The following NFKBIZ variants were observed in gnomAD, a reference collection of about 807,000 sequenced individuals.
NFKBIZ encodes the protein NF-kappa-B inhibitor zeta.
In NFKBIZ, 19 loss-of-function variants were observed where a neutral mutation model predicts 76.8. The ratio of observed to expected loss-of-function variants is 0.25; its 90% CI spans 0.17 to 0.36. The LOEUF is 0.36. Among genes scored for constraint, NFKBIZ ranks in the 10% least tolerant of loss-of-function variants. NFKBIZ has a pLI of 1.00. For missense variants in NFKBIZ, 829 were observed against 910.9 expected (o/e 0.91, Z 1.16); for synonymous variants, 368 against 354.8 (o/e 1.04, Z -0.42).
chr3:101,855,536 A>G (rs971290150), intron 8 of NFKBIZ, 78 bp downstream of exon 8: 2 of 1,393,576 alleles, frequency 1.4e-6, no homozygotes, highest in Non-Finnish European at 2.0e-6. Flanking sequence ...GTATACTAAG[A>G]AGGAAGGTAA....
intron 2 of NFKBIZ, among the ~76,000 whole-genome samples, chr3:101,837,029 C>T (rs1942729279): frequency 6.6e-6 from 1 of 152,154 alleles, no homozygotes; most frequent in African/African-American, 2.4e-5. Context: ...ATTCCCATCT[C>T]ATTGTACCGA....
intron 2 of NFKBIZ, among the ~76,000 whole-genome samples, chr3:101,830,791 G>A (rs1049101463): frequency 6.6e-6 from 1 of 152,124 alleles, no homozygotes; most frequent in African/African-American, 2.4e-5. Context: ...GAACATACAG[G>A]TGCATGTGTC....
chr3:101,859,222 T>C (rs2107425674), intron 11 of NFKBIZ, 96 bp from the exon 12 acceptor site: 1 of 884,976 alleles, frequency 1.1e-6, no homozygotes, highest in Non-Finnish European at 1.9e-6. Flanking sequence ...ATAGGAGTAG[T>C]GTAGATGGTA....
At chr3:101,845,036 G>A (rs973659157), upstream of NFKBIZ, among the ~76,000 whole-genome samples, 1 of 152,110 alleles carries the variant, frequency 6.6e-6, no homozygotes, top group African/African-American at 2.4e-5. Flanking sequence ...GGGAGGCTGA[G>A]GAGTGGGGGA....
At position 101,861,014 on chromosome 3, in the gene NFKBIZ, T is replaced by G. The variant is rs1943127326; in HGVS notation, c.*1643T>G. On this transcript the variant is annotated 3_prime_UTR_variant, in exon 12 of 12. Transcript: ENST00000326172. ...AACTGATGGTTTTAAATAAACTAAT[T>G]CACTAATATTATTTGTCTTACATGC... 1 of 152,192 alleles carries G rather than the reference T, an allele frequency of 6.6e-6. No individual in the cohort carries two copies. The highest frequency in any genetic ancestry group is 1.5e-5 in the Non-Finnish European group (1 of 68,018). 9.4% of individuals were successfully genotyped at this position (152,192 alleles called of 1,614,324 possible).
At chr3:101,837,950 A>C (rs974375222) in intron 2 of NFKBIZ, among the ~76,000 whole-genome samples, 3 of 152,208 alleles carry the variant, frequency 2.0e-5, no homozygotes, top group African/African-American at 7.2e-5. Flanking sequence ...ATCTTTAAGA[A>C]CTGTTCACTG....
chr3:101,852,356 G>T, intron 2 of NFKBIZ, 132 bp downstream of exon 2: 5 of 1,121,338 alleles, frequency 4.5e-6, no homozygotes, highest in Non-Finnish European at 6.4e-6. Context: ...AAGTCCATAG[G>T]ACAGAGACCA....
chr3:101,846,720 T>C (rs1262436634), upstream of NFKBIZ, among the ~76,000 whole-genome samples: 1 of 152,204 alleles, frequency 6.6e-6, no homozygotes, highest in African/African-American at 2.4e-5. Context: ...AAAACAAAAT[T>C]CAAATAGATT....
In NFKBIZ at chr3:101,852,723, CTT is replaced by C. The variant is rs771568861; in HGVS notation, c.430-10_430-9del. ...CATTTTGTATACACTAAATTGGAAACTTTTTTCTTTATAGACACAAGGTGTGA... is the reference window on the plus strand; with the variant it reads ...CATTTTGTATACACTAAATTGGAAACTTTTCTTTATAGACACAAGGTGTGA... On this transcript the variant is annotated splice_polypyrimidine_tract_variant and intron_variant, in intron 2 of 11. Transcript: ENST00000326172. The C allele has an allele frequency of 1.9e-6, 3 of 1,596,156 alleles. No individual in the cohort carries two copies. Among genetic ancestry groups the C allele is most frequent in the African/African-American group, 1.4e-5 (1 of 73,754 alleles).
rs546092647 is a variant in NFKBIZ at position 101,849,908 on chromosome 3, C to A, written c.280C>A (p.Arg94Ser). 143 of 1,423,972 alleles carry A rather than the reference C, an allele frequency of 1.0e-4. No homozygotes were observed. In the African/African-American group the frequency reaches 1.8e-3, roughly 18 times the overall value. 88.2% of individuals were successfully genotyped at this position (1,423,972 alleles called of 1,614,324 possible). A position where few individuals can be genotyped will look rare whatever the true frequency, so the allele number is the denominator to read the frequency against. ...GTCGAGAGGCGGCGCCCGCGCCGAG[C>A]GCCAGCCAGGTACCCGCCGGCCCCG... is the stretch of plus-strand genomic sequence containing the variant. Reference protein sequence around the residue: ...SRSRGGARAERQPVEPHMGVG... With the variant: ...SRSRGGARAESQPVEPHMGVG... Residue 94 changes from arginine (R) to serine (S), a missense_variant, in exon 1 of 12, where the codon CGC becomes AGC. By Grantham distance (110) the Arg-to-Ser change is moderately radical. This residue lies in a region of NFKBIZ where 181 missense variants were observed against 175.3 expected (regional missense o/e 1.03). Transcript: ENST00000326172.
chr3:101,849,572 G>A lies in NFKBIZ; in HGVS notation c.-57G>A. ...CCCTGAGCCAGCCCGGGAGGCAGCC[G>A]CGCGCAGCGAGCCGGTGGCGCAGGT... On this transcript the variant is annotated 5_prime_UTR_variant, in exon 1 of 12. Transcript: ENST00000326172. The A allele has an allele frequency of 3.9e-6, 5 of 1,287,030 alleles. No individual in the cohort carries two copies. Among genetic ancestry groups the A allele is most frequent in the Non-Finnish European group, 4.9e-6 (5 of 1,017,418 alleles). 79.7% of individuals were successfully genotyped at this position (1,287,030 alleles called of 1,614,324 possible). A position where few individuals can be genotyped will look rare whatever the true frequency, so the allele number is the denominator to read the frequency against.
chr3:101,841,021 CG>C (rs1173797792), intron 2 of NFKBIZ, among the ~76,000 whole-genome samples: 1 of 152,176 alleles, frequency 6.6e-6, no homozygotes, highest in Non-Finnish European at 1.5e-5. Context: ...CAGTACTTAA[CG>C]GGGTATCAAG....
intron 11 of NFKBIZ, chr3:101,857,707 C>T: frequency 1.0e-6 from 1 of 985,362 alleles, no homozygotes; most frequent in African/African-American, 1.7e-5. Context: ...GTGACACACA[C>T]TTAGGGTTAG....
Position 101,853,212 on chromosome 3 carries a change from C to T in NFKBIZ, c.686C>T (p.Pro229Leu), listed in dbSNP as rs1206334898. Residue 229 changes from proline to leucine, a missense_variant, in exon 5 of 12, where the codon CCC (proline) becomes CTC (leucine). Pro to Leu is a moderately conservative substitution (Grantham distance 98). Transcript: ENST00000326172. ...ATCAACATTAAGAATGAATGCAGCC[C>T]CGTTTCCCTGAACACAGTTCAAGTT... is the stretch of plus-strand genomic sequence containing the variant. ...NIINIKNECS[P>L]VSLNTVQVSW... 5 of 1,614,122 alleles carry T rather than the reference C, an allele frequency of 3.1e-6. No homozygotes were observed. Among genetic ancestry groups the T allele is most frequent in the Admixed American group, 1.7e-5 (1 of 60,018 alleles).
chr3:101,852,982 A>T lies in NFKBIZ; in HGVS notation c.557A>T (p.Gln186Leu), dbSNP rs1275708801. 3 of 1,613,938 alleles carry T rather than the reference A, an allele frequency of 1.9e-6. No homozygotes were observed. Among genetic ancestry groups the T allele is most frequent in the East Asian group, 2.2e-5 (1 of 44,900 alleles). Residue 186 changes from glutamine (Q) to leucine (L), a missense_variant, in exon 4 of 12, where the codon CAA (glutamine) becomes CTA (leucine). Coordinates refer to ENST00000326172, the MANE Select transcript of NFKBIZ (RefSeq NM_031419.4). ...AAAAGGCCAGCTCTGTTGCATTCCCAATTTTTGGTAAGTATCTCACCATTT... is the reference window on the plus strand; with the variant it reads ...AAAAGGCCAGCTCTGTTGCATTCCCTATTTTTGGTAAGTATCTCACCATTT... ...ACKRPALLHS[Q>L]FLTPPQTPTP...
At chr3:101,847,331 A>T (rs1385297744), upstream of NFKBIZ, among the ~76,000 whole-genome samples, 1 of 152,266 alleles carries the variant, frequency 6.6e-6, no homozygotes, top group Non-Finnish European at 1.5e-5. Context: ...TGTTTTCCAC[A>T]GATAAACCAA....
intron 2 of NFKBIZ, among the ~76,000 whole-genome samples, chr3:101,831,262 G>T (rs1319608350): frequency 1.3e-5 from 2 of 152,182 alleles, no homozygotes; most frequent in Non-Finnish European, 2.9e-5. Flanking sequence ...ACAATAGTTT[G>T]TGGCCCCCAA....
At chr3:101,833,417 T>C (rs1272992904) in intron 2 of NFKBIZ, among the ~76,000 whole-genome samples, 2 of 152,192 alleles carry the variant, frequency 1.3e-5, no homozygotes, top group African/African-American at 4.8e-5. Flanking sequence ...AAATTTTGGT[T>C]GAACAAATAA....
At chr3:101,839,169 G>T (rs1196744911) in intron 2 of NFKBIZ, among the ~76,000 whole-genome samples, 1 of 151,918 alleles carries the variant, frequency 6.6e-6, no homozygotes, top group Non-Finnish European at 1.5e-5. Flanking sequence ...CTTGTTTACA[G>T]AAATTCAATA....
Sources: gnomAD v4.1 joint callset for allele counts (sites outside exome capture counted in the v4.1 genomes callset) on GRCh38, gnomAD v4.1.1 for gene constraint, gnomAD v4.1.1 regional missense constraint, MANE v1.5 for transcripts, NCBI Gene and HGNC (gene_info 2026-07-23, HGNC 2026-07-21) for gene names.